The following KDSR variants were observed in gnomAD, a reference collection of about 807,000 sequenced individuals.
KDSR encodes 3-dehydrosphinganine reductase.
A neutral mutation model predicts 41.3 loss-of-function variants in KDSR; 23 were observed. That is an observed-to-expected ratio of 0.56 (90% CI 0.40 to 0.79). The LOEUF is 0.79. Ranked by LOEUF, KDSR falls within the 30% of genes least tolerant of loss-of-function variation. The pLI is 0.00. For missense variants in KDSR, 351 were observed against 416.8 expected (o/e 0.84, Z 1.37); for synonymous variants, 138 against 151.7 (o/e 0.91, Z 0.66).
chr18:63,341,128 C>T (rs746297702), intron 7 of KDSR, among the ~76,000 whole-genome samples: 2 of 151,872 alleles, frequency 1.3e-5, no homozygotes, highest in Non-Finnish European at 2.9e-5. Flanking sequence ...TAAATATGGA[C>T]AATCAAGGAT....
At chr18:63,359,397 A>T in intron 3 of KDSR, 1 of 220,762 alleles carries the variant, frequency 4.5e-6, no homozygotes, top group East Asian at 1.0e-4. Flanking sequence ...TATAAATAGC[A>T]TTTTATTCAT....
chr18:63,344,661 G>A, intron 6 of KDSR, 168 bp from the exon 7 acceptor site: 1 of 526,702 alleles, frequency 1.9e-6, no homozygotes, highest in Middle Eastern at 4.7e-4. Flanking sequence ...TCTCCATGAT[G>A]ATTCCAGAAT....
chr18:63,349,434 C>T (rs1409271961), intron 6 of KDSR, among the ~76,000 whole-genome samples: 1 of 152,122 alleles, frequency 6.6e-6, no homozygotes, highest in South Asian at 2.1e-4. Flanking sequence ...CACAAAAGGA[C>T]TTTTCAAAGT....
chr18:63,346,388 C>A, intron 6 of KDSR: 1 of 152,372 alleles, frequency 6.6e-6, no homozygotes, highest in Non-Finnish European at 1.5e-5. Context: ...AGAAAAACAC[C>A]ACAAAAAATC....
Position 63,329,111 on chromosome 18 carries a change from CA to C in KDSR, c.*2670del. The C allele has an allele frequency of 1.0e-5, 2 of 198,726 alleles. No individual in the cohort carries two copies. The highest frequency in any genetic ancestry group is 2.1e-5 in the Non-Finnish European group (2 of 96,248). 12.3% of individuals were successfully genotyped at this position (198,726 alleles called of 1,614,324 possible). ...AAAACAAGTTGTTCAAGCATTGAACCAAAAAATATAAAAAATAGAATTTGCC... is the reference window on the plus strand; with the variant it reads ...AAAACAAGTTGTTCAAGCATTGAACCAAAAATATAAAAAATAGAATTTGCC... On this transcript the variant is annotated 3_prime_UTR_variant, in exon 10 of 10. Transcript: ENST00000645214.
Position 63,349,131 on chromosome 18 carries a change from C to T in KDSR, c.609+1757G>A, listed in dbSNP as rs112018138. Among the ~76,000 whole-genome samples, 862 of 152,302 alleles carry T rather than the reference C, an allele frequency of 5.7e-3. 8 individuals are homozygous for T. The highest frequency in any genetic ancestry group is 0.019 in the African/African-American group (774 of 41,566). On this transcript the variant is annotated intron_variant, in intron 6 of 9. Coordinates refer to ENST00000645214, the MANE Select transcript of KDSR (RefSeq NM_002035.4). ...GTGTGCTGGCTCACACCTGTAATCC[C>T]AGCACTTTGGGAGGCTAAAGCCAGA...
At chr18:63,357,524 A>T (rs1198257818) in intron 3 of KDSR, among the ~76,000 whole-genome samples, 3 of 147,976 alleles carry the variant, frequency 2.0e-5, no homozygotes, top group African/African-American at 4.9e-5. Context: ...ATGAATTTTT[A>T]AAATTATATA....
At chr18:63,355,054 G>C in intron 5 of KDSR, 150 bp downstream of exon 5, 1 of 587,170 alleles carries the variant, frequency 1.7e-6, no homozygotes. Context: ...ACCTTGTTCA[G>C]CTTCACCTTG....
At position 63,331,310 on chromosome 18, in the gene KDSR, C is replaced by T. The variant is rs952201333; in HGVS notation, c.*472G>A. Reference sequence around the variant, plus strand: ...ACAGAGAGACAGAGAGACAGAGAGACAGAGAGACAGAGAGACAGAGAGAGA... The same window carrying T: ...ACAGAGAGACAGAGAGACAGAGAGATAGAGAGACAGAGAGACAGAGAGAGA... On this transcript the variant is annotated 3_prime_UTR_variant, in exon 10 of 10. Transcript: ENST00000645214. 18 of 225,980 alleles carry T rather than the reference C, an allele frequency of 8.0e-5. 1 individual carries two copies. Among genetic ancestry groups the T allele is most frequent in the African/African-American group, 3.7e-4 (16 of 43,456 alleles). 14.0% of individuals were successfully genotyped at this position (225,980 alleles called of 1,614,324 possible). A position where few individuals can be genotyped will look rare whatever the true frequency, so the allele number is the denominator to read the frequency against.
intron 3 of KDSR, 108 bp from the exon 4 acceptor site, chr18:63,355,671 T>C (rs1377728458): frequency 7.3e-6 from 10 of 1,369,912 alleles, no homozygotes; most frequent in Middle Eastern, 2.6e-4. Flanking sequence ...GAAGCCAATA[T>C]TGAATGAACA....
At chr18:63,350,022 C>T (rs1255286335) in intron 6 of KDSR, among the ~76,000 whole-genome samples, 1 of 152,230 alleles carries the variant, frequency 6.6e-6, no homozygotes, top group African/African-American at 2.4e-5. Context: ...GGGTTGGCCA[C>T]AGTGAATACT....
intron 6 of KDSR, among the ~76,000 whole-genome samples, chr18:63,349,751 A>G (rs1914611501): frequency 6.6e-6 from 1 of 152,248 alleles, no homozygotes; most frequent in South Asian, 2.1e-4. Flanking sequence ...GGGTCAGCAA[A>G]TTATGGCCTA....
intron 3 of KDSR, among the ~76,000 whole-genome samples, chr18:63,355,879 G>A (rs1914781568): frequency 6.6e-6 from 1 of 152,208 alleles, no homozygotes; most frequent in Non-Finnish European, 1.5e-5. Flanking sequence ...AAGGGCACAG[G>A]CCAACCCTAG....
intron 1 of KDSR, among the ~76,000 whole-genome samples, chr18:63,364,685 G>A (rs1249668989): frequency 2.0e-5 from 3 of 152,020 alleles, no homozygotes; most frequent in Non-Finnish European, 4.4e-5. Flanking sequence ...CTCAAGTTAT[G>A]CACTCTCCTT....
In KDSR at chr18:63,329,613, C is replaced by T. The variant is rs968657830; in HGVS notation, c.*2169G>A. ...TTGGGATAGGGACAATTGTCTTCTA[C>T]CGCAAAACAGGGGCTCTCAACAGGT... is the stretch of plus-strand genomic sequence containing the variant. On this transcript the variant is annotated 3_prime_UTR_variant, in exon 10 of 10. Transcript: ENST00000645214. 2 of 200,878 alleles carry T rather than the reference C, an allele frequency of 1.0e-5. No individual in the cohort carries two copies. The highest frequency in any genetic ancestry group is 2.0e-5 in the Non-Finnish European group (2 of 97,596). The allele number at this position is 200,878 out of a possible 1,614,324, so 12.4% of individuals were successfully genotyped here.
At chr18:63,348,958 T>A (rs1371750358) in intron 6 of KDSR, among the ~76,000 whole-genome samples, 1 of 152,244 alleles carries the variant, frequency 6.6e-6, no homozygotes, top group Non-Finnish European at 1.5e-5. Context: ...GGGTCAAGGC[T>A]TGGATCGTGT....
rs529954221 is a variant in KDSR at position 63,328,075 on chromosome 18, T to C, written c.*3707A>G. On this transcript the variant is annotated 3_prime_UTR_variant, in exon 10 of 10. Transcript: ENST00000645214. ...TAAGAACTAAAAGAAATGAGAAATATACAAAGCATCTTATGTCAAAGAGTA... is the reference window on the plus strand; with the variant it reads ...TAAGAACTAAAAGAAATGAGAAATACACAAAGCATCTTATGTCAAAGAGTA... The C allele has an allele frequency of 1.4e-4, 28 of 194,776 alleles. No homozygotes were observed. The highest frequency in any genetic ancestry group is 2.7e-4 in the Non-Finnish European group (25 of 93,722). 12.1% of individuals were successfully genotyped at this position (194,776 alleles called of 1,614,324 possible).
chr18:63,329,274 T>G lies in KDSR; in HGVS notation c.*2508A>C, dbSNP rs1245998947. ...TCTTTGGGGTTTTAAAAAGGCAATA[T>G]GGGCATATTTTGAATATTACAAAAC... On this transcript the variant is annotated 3_prime_UTR_variant, in exon 10 of 10. Coordinates refer to ENST00000645214, the MANE Select transcript of KDSR (RefSeq NM_002035.4). The G allele has an allele frequency of 4.8e-6, 1 of 209,148 alleles. No individual in the cohort carries two copies. Among genetic ancestry groups the G allele is most frequent in the African/African-American group, 2.3e-5 (1 of 43,988 alleles). The allele number at this position is 209,148 out of a possible 1,614,324, so 13.0% of individuals were successfully genotyped here. A position where few individuals can be genotyped will look rare whatever the true frequency, so the allele number is the denominator to read the frequency against.
At chr18:63,351,616 C>T (rs1396427769) in intron 5 of KDSR, among the ~76,000 whole-genome samples, 2 of 152,154 alleles carry the variant, frequency 1.3e-5, no homozygotes, top group Non-Finnish European at 2.9e-5. Context: ...AAGGGTATGA[C>T]CGCATAGGGC....
Sources: allele counts gnomAD v4.1 joint callset (sites outside exome capture counted in the v4.1 genomes callset), GRCh38; gene constraint gnomAD v4.1.1; transcripts MANE v1.5; gene names NCBI Gene and HGNC (gene_info 2026-07-23, HGNC 2026-07-21).